BRD4: variants seen among roughly 807,000 people sequenced by gnomAD.
The protein encoded by BRD4 is bromodomain containing 4.
A neutral mutation model predicts 142.1 loss-of-function variants in BRD4; 16 were observed. The ratio of observed to expected loss-of-function variants is 0.11; its 90% CI spans 0.08 to 0.17. BRD4 has a LOEUF of 0.17. Among genes scored for constraint, BRD4 ranks in the 10% least tolerant of loss-of-function variants. The pLI is 1.00. For missense variants in BRD4, 1,424 were observed against 1,810.9 expected, an observed-to-expected ratio of 0.79 and a Z score of 3.88; for synonymous variants, 833 against 707.5, an observed-to-expected ratio of 1.18 and a Z score of -2.82.
At chr19:15,268,136 A>C (rs1368227352) in intron 3 of BRD4, 1 of 152,474 alleles carries the variant, frequency 6.6e-6, no homozygotes, top group Non-Finnish European at 1.5e-5. Context: ...AAAACACAGT[A>C]AACTTCAAGA....
At chr19:15,252,999 G>A (rs951493239) in intron 11 of BRD4, 2 of 213,758 alleles carry the variant, frequency 9.4e-6, no homozygotes, top group Non-Finnish European at 1.9e-5. Flanking sequence ...TGATTATTGA[G>A]GGTTAGCATT....
chr19:15,289,289 C>A (rs1419486993), intron 1 of BRD4, among the ~76,000 whole-genome samples: 1 of 152,182 alleles, frequency 6.6e-6, no homozygotes, highest in Admixed American at 6.5e-5. Flanking sequence ...CGGTGGCTCA[C>A]GCCTATAATC....
In BRD4 at chr19:15,243,202, G is replaced by T. The variant is rs2047254592; in HGVS notation, c.2867C>A (p.Pro956His). 6.1e-6 allele frequency: 7 copies of T among 1,153,472 alleles called. No individual in the cohort carries two copies. The highest frequency in any genetic ancestry group is 8.2e-6 in the Non-Finnish European group (7 of 854,284). 71.5% of individuals were successfully genotyped at this position (1,153,472 alleles called of 1,614,324 possible). ...GGGGTGGGGTGGGGGCGGCAGGGGG[G>T]GTGGGGGCTGGGACTGCACCTTCAC... ...PSVKVQSQPPPPLPPPPHPSV... is the reference protein window; with the variant it reads ...PSVKVQSQPPHPLPPPPHPSV... Residue 956 changes from proline to histidine, a missense_variant, in exon 14 of 20, where the codon CCC becomes CAC. Coordinates refer to ENST00000679869, the MANE Select transcript of BRD4 (RefSeq NM_001379291.1).
At chr19:15,263,353 A>G in intron 7 of BRD4, 67 bp downstream of exon 7, 2 of 1,556,858 alleles carry the variant, frequency 1.3e-6, no homozygotes, top group South Asian at 2.3e-5. Context: ...CAAGGCCCAC[A>G]GAAGTCTGCT....
At chr19:15,242,820 T>TTAAC in intron 14 of BRD4, 80 bp downstream of exon 14, 1 of 1,542,246 alleles carries the variant, frequency 6.5e-7, no homozygotes, top group Non-Finnish European at 8.8e-7. Flanking sequence ...GAAGCATGAG[T>TTAAC]TAACCCTTCT....
intron 1 of BRD4, among the ~76,000 whole-genome samples, chr19:15,302,450 C>G (rs2047877114): frequency 6.6e-6 from 1 of 151,894 alleles, no homozygotes; most frequent in African/African-American, 2.4e-5. Context: ...CACGGTGGCT[C>G]ACGAGGTCAA....
chr19:15,319,912 G>A (rs932353963), intron 1 of BRD4, among the ~76,000 whole-genome samples: 2 of 152,084 alleles, frequency 1.3e-5, no homozygotes, highest in Non-Finnish European at 1.5e-5. Context: ...CTACGGCCTG[G>A]GCAACACAGT....
In BRD4 at chr19:15,256,079, C is replaced by T. The variant is rs987180582; in HGVS notation, c.1736G>A (p.Ser579Asn). The change falls in exon 9 of 20, where the codon AGC (serine) becomes AAC (asparagine). Residue 579 changes from serine (S) to asparagine (N), a missense_variant. Coordinates refer to ENST00000679869, the MANE Select transcript of BRD4 (RefSeq NM_001379291.1). ...GGACACAGACCTCACATTGCTGTTGCTGCTATTATTTTTCTTCGTCTTTTT... is the reference window on the plus strand; with the variant it reads ...GGACACAGACCTCACATTGCTGTTGTTGCTATTATTTTTCTTCGTCTTTTT... ...PPKKTKKNNS[S>N]NSNVSKKEPA... 1 of 1,611,516 alleles carries T rather than the reference C, an allele frequency of 6.2e-7. No homozygotes were observed. The highest frequency in any genetic ancestry group is 8.5e-7 in the Non-Finnish European group (1 of 1,179,738).
At chr19:15,294,942 A>G (rs1256292013) in intron 1 of BRD4, among the ~76,000 whole-genome samples, 5 of 152,212 alleles carry the variant, frequency 3.3e-5, no homozygotes, top group African/African-American at 1.2e-4. Context: ...TAACTCCAAA[A>G]TGAAGATAAA....
Position 15,274,869 on chromosome 19 carries a change from CT to C in BRD4, c.-34-1737del, listed in dbSNP as rs745455535. 3.4e-3 allele frequency among the ~76,000 whole-genome samples: 481 copies of C among 142,712 alleles called. 1 individual carries two copies. The highest frequency in any genetic ancestry group is 3.4e-3 in the Admixed American group (49 of 14,280). The allele number at this position is 142,712 out of a possible 152,430, so 93.6% of individuals were successfully genotyped here. A position where few individuals can be genotyped will look rare whatever the true frequency, so the allele number is the denominator to read the frequency against. On this transcript the variant is annotated intron_variant, in intron 1 of 19. Coordinates refer to ENST00000679869, the MANE Select transcript of BRD4 (RefSeq NM_001379291.1). ...CTTGAGCCGAGGAAGCTGAATTTTC[CT>C]TTTTTTTTTTTTTTGGAGACAGGGT...
intron 1 of BRD4, among the ~76,000 whole-genome samples, chr19:15,274,571 C>A (rs2047625717): frequency 6.6e-6 from 1 of 152,214 alleles, no homozygotes; most frequent in African/African-American, 2.4e-5. Flanking sequence ...GCAGGAGCAG[C>A]CCAGCCACAA....
At chr19:15,315,220 G>A (rs758234682) in intron 1 of BRD4, among the ~76,000 whole-genome samples, 11 of 151,814 alleles carry the variant, frequency 7.2e-5, no homozygotes, top group South Asian at 4.2e-4. Flanking sequence ...GTCATTTTAC[G>A]AAGTCAAAGA....
At chr19:15,285,353 T>G (rs1054142756) in intron 1 of BRD4, among the ~76,000 whole-genome samples, 1 of 152,242 alleles carries the variant, frequency 6.6e-6, no homozygotes, top group Admixed American at 6.5e-5. Flanking sequence ...AGGCCCAGCC[T>G]GGGCAACATG....
At chr19:15,269,823 C>A (rs1005956105) in intron 2 of BRD4, among the ~76,000 whole-genome samples, 2 of 152,180 alleles carry the variant, frequency 1.3e-5, no homozygotes, top group African/African-American at 4.8e-5. Flanking sequence ...TTAAAGTGCC[C>A]GAAATCAAAC....
intron 1 of BRD4, among the ~76,000 whole-genome samples, chr19:15,292,896 A>AGGATT (rs2047795048): frequency 6.6e-6 from 1 of 151,728 alleles, no homozygotes; most frequent in South Asian, 2.1e-4. Flanking sequence ...CGGATGTGAA[A>AGGATT]GGATTGCAGC....
In BRD4 at chr19:15,239,554, C is replaced by T. The variant is rs746826210; in HGVS notation, c.3446-32G>A. On this transcript the variant is annotated intron_variant, in intron 16 of 19. Transcript: ENST00000679869. The surrounding 1 kb of genome is among the most constrained non-coding windows in gnomAD (Gnocchi z 7.4). ...CATAAACAGCCGGTGGGCCCTGGCC[C>T]ACCTCACCCCAGTGGGGCATGGTCC... is the stretch of plus-strand genomic sequence containing the variant. The T allele has an allele frequency of 1.3e-6, 2 of 1,590,162 alleles. No individual in the cohort carries two copies. Among genetic ancestry groups the T allele is most frequent in the Admixed American group, 1.8e-5 (1 of 56,426 alleles).
At chr19:15,260,912 G>A (rs544339145) in intron 7 of BRD4, among the ~76,000 whole-genome samples, 3 of 152,188 alleles carry the variant, frequency 2.0e-5, no homozygotes, top group African/African-American at 7.2e-5. Flanking sequence ...ACAAAAATGA[G>A]GAAGGAAGGG....
chr19:15,332,236 GC>G (rs2048168317), intron 1 of BRD4, 53 bp downstream of exon 1: 1 of 147,432 alleles, frequency 6.8e-6, no homozygotes, highest in African/African-American at 2.5e-5. Flanking sequence ...CGCGCCGCGA[GC>G]CTCCGCCAGC....
rs2047218794 is a variant in BRD4, at chr19:15,239,281, T to G, written c.3577-17A>C. 1.9e-6 allele frequency: 3 copies of G among 1,612,862 alleles called. No homozygotes were observed. Among genetic ancestry groups the G allele is most frequent in the Middle Eastern group, 1.7e-4 (1 of 6,054 alleles). On this transcript the variant is annotated splice_polypyrimidine_tract_variant and intron_variant, in intron 17 of 19. Transcript: ENST00000679869. This position sits in a 1 kb window ranked among gnomAD's most constrained non-coding sequence, Gnocchi z 7.4. ...TTTCAGGTCCTGCAGAACAGAGAGG[T>G]TGGGGTGGGTGAGGGGTCTGCTGTG...
Sources: allele counts gnomAD v4.1 joint callset (sites outside exome capture counted in the v4.1 genomes callset), GRCh38; gene constraint gnomAD v4.1.1; non-coding constraint Gnocchi (gnomAD v3.1); transcripts MANE v1.5; gene names NCBI Gene and HGNC (gene_info 2026-07-23, HGNC 2026-07-21).